CCNT1: variants seen among roughly 807,000 people sequenced by gnomAD.
CCNT1 encodes the protein cyclin-T1.
Under a neutral mutation model 67.3 loss-of-function variants are expected in CCNT1, and 18 were observed. That is an observed-to-expected ratio of 0.27 (90% CI 0.18 to 0.40). CCNT1 has a LOEUF of 0.40. CCNT1 is among the 10% of genes least tolerant of loss of function. CCNT1 has a pLI of 1.00. For synonymous variants in CCNT1, 333 were observed against 310.3 expected, an observed-to-expected ratio of 1.07 and a Z score of -0.77; for missense variants, 744 against 884.9, an observed-to-expected ratio of 0.84 and a Z score of 2.02.
intron 2 of CCNT1, among the ~76,000 whole-genome samples, chr12:48,713,000 G>A (rs1170997474): frequency 4.0e-5 from 6 of 151,720 alleles, no homozygotes; most frequent in African/African-American, 7.3e-5. Flanking sequence ...TTACCTTGGC[G>A]TTTTATTAAG....
At chr12:48,709,962 C>G (rs1434018868) in intron 2 of CCNT1, among the ~76,000 whole-genome samples, 1 of 151,796 alleles carries the variant, frequency 6.6e-6, no homozygotes. Flanking sequence ...ACGATCTCAG[C>G]TCACTGCAAC....
Position 48,705,752 on chromosome 12 carries a change from G to T in CCNT1, c.372+16C>A. ...GAAAAAAATTAAGAAAAACAGATGT[G>T]TAATTAATCTCCTACCTCACTTCTA... On this transcript the variant is annotated intron_variant, in intron 3 of 8. Transcript: ENST00000261900. The T allele has an allele frequency of 6.3e-7, 1 of 1,596,282 alleles. No individual in the cohort carries two copies. The highest frequency in any genetic ancestry group is 8.5e-7 in the Non-Finnish European group (1 of 1,172,316).
chr12:48,702,458 C>T (rs554184950), intron 3 of CCNT1, among the ~76,000 whole-genome samples: 192 of 152,032 alleles, frequency 1.3e-3, no homozygotes, highest in African/African-American at 4.3e-3. Flanking sequence ...GTGCTATAAC[C>T]ATAAAATACA....
chr12:48,708,361 A>G (rs1331209059), intron 2 of CCNT1, among the ~76,000 whole-genome samples: 1 of 152,074 alleles, frequency 6.6e-6, no homozygotes, highest in Non-Finnish European at 1.5e-5. Flanking sequence ...AGCCTGGACA[A>G]CGTGGTAAAA....
intron 2 of CCNT1, among the ~76,000 whole-genome samples, chr12:48,713,886 A>G: frequency 6.6e-6 from 1 of 152,022 alleles, no homozygotes; most frequent in East Asian, 1.9e-4. Context: ...TAGATGTCTG[A>G]TAATCTGTTT....
chr12:48,707,448 A>G (rs1406558369), intron 2 of CCNT1, among the ~76,000 whole-genome samples: 1 of 151,758 alleles, frequency 6.6e-6, no homozygotes, highest in Admixed American at 6.6e-5. Flanking sequence ...ACACCCAGTT[A>G]ATTTATTTTT....
Position 48,692,348 on chromosome 12 carries a change from T to A in CCNT1, c.*685A>T, listed in dbSNP as rs1164348240. 1 of 152,116 alleles carries A rather than the reference T, an allele frequency of 6.6e-6. No individual in the cohort carries two copies. Among genetic ancestry groups the A allele is most frequent in the Non-Finnish European group, 1.5e-5 (1 of 68,030 alleles). The allele number at this position is 152,116 out of a possible 1,614,324, so 9.4% of individuals were successfully genotyped here. Reference sequence around the variant, plus strand: ...AGGAACAGGGAGGGAAGATAAAACATTATTTTTAAACACACACACTTAAAA... The same window carrying A: ...AGGAACAGGGAGGGAAGATAAAACAATATTTTTAAACACACACACTTAAAA... On this transcript the variant is annotated 3_prime_UTR_variant, in exon 9 of 9. Transcript: ENST00000261900.
intron 3 of CCNT1, 69 bp from the exon 4 acceptor site, chr12:48,701,142 A>G (rs1940259222): frequency 4.6e-6 from 4 of 875,600 alleles, no homozygotes. Flanking sequence ...AATTCTAACA[A>G]TCCCTTCCAG....
chr12:48,713,678 G>C (rs994464835), intron 2 of CCNT1, among the ~76,000 whole-genome samples: 2 of 152,082 alleles, frequency 1.3e-5, no homozygotes, highest in African/African-American at 4.8e-5. Flanking sequence ...CAGTTACTTG[G>C]GAGGCTACGG....
intron 1 of CCNT1, among the ~76,000 whole-genome samples, chr12:48,715,547 G>A (rs1592128673): frequency 6.6e-6 from 1 of 151,584 alleles, no homozygotes; most frequent in Non-Finnish European, 1.5e-5. Context: ...TGCAACCTCC[G>A]CCTCCCGGGT....
intron 3 of CCNT1, among the ~76,000 whole-genome samples, chr12:48,703,585 T>TAA (rs1294418266): frequency 1.4e-5 from 2 of 141,788 alleles, no homozygotes; most frequent in African/African-American, 5.2e-5. Flanking sequence ...AAAAAAAAGT[T>TAA]AAAAAAAAAA....
At chr12:48,707,673 A>G (rs1412334925) in intron 2 of CCNT1, among the ~76,000 whole-genome samples, 4 of 152,120 alleles carry the variant, frequency 2.6e-5, no homozygotes, top group Non-Finnish European at 5.9e-5. Context: ...TACCCATGAT[A>G]ATTAATAAAA....
At position 48,701,075 on chromosome 12, in the gene CCNT1, T is replaced by TA. The variant is rs1448738877; in HGVS notation, c.373-3dup. On this transcript the variant is annotated splice_polypyrimidine_tract_variant and splice_region_variant and intron_variant, in intron 3 of 8. Transcript: ENST00000261900. ...ATCTTGAACTTGTTGCAAATAAGCC[T>TA]AAAAGTGAGAAGACAGAAATTATTC... 2 of 1,576,402 alleles carry TA rather than the reference T, an allele frequency of 1.3e-6. No individual in the cohort carries two copies. Among genetic ancestry groups the TA allele is most frequent in the Non-Finnish European group, 1.7e-6 (2 of 1,154,312 alleles).
rs375076635 is a variant in CCNT1, at chr12:48,695,950, G to A, written c.706+49C>T. The A allele has an allele frequency of 5.0e-6, 8 of 1,603,718 alleles. No homozygotes were observed. The African/African-American group carries it at 9.4e-5, about 19-fold the overall frequency. On this transcript the variant is annotated intron_variant, in intron 7 of 8. Coordinates refer to ENST00000261900, the MANE Select transcript of CCNT1 (RefSeq NM_001240.4). ...TCAAGTCACCTTTGGCCAGCTATGT[G>A]ACAGATCAACAGCAAGTGCTTTTCA...
intron 1 of CCNT1, 63 bp downstream of exon 1, chr12:48,716,452 G>C: frequency 1.4e-6 from 2 of 1,477,546 alleles, no homozygotes; most frequent in Non-Finnish European, 1.8e-6. Flanking sequence ...CAGAGCCTGA[G>C]ACCCGGACGC....
In CCNT1 at chr12:48,689,795, G is replaced by C. The variant is rs1048454584; in HGVS notation, c.*3238C>G. On this transcript the variant is annotated 3_prime_UTR_variant, in exon 9 of 9. Coordinates refer to ENST00000261900, the MANE Select transcript of CCNT1 (RefSeq NM_001240.4). The stretch of plus-strand genomic sequence containing the variant: ...GGAAGCCATGTATGTGGAGGAGTAT[G>C]CATTTCAATATGGAGAATTAAGTAG... 1 of 152,202 alleles carries C rather than the reference G, an allele frequency of 6.6e-6. No homozygotes were observed. The allele number at this position is 152,202 out of a possible 1,614,324, so 9.4% of individuals were successfully genotyped here. A position where few individuals can be genotyped will look rare whatever the true frequency, so the allele number is the denominator to read the frequency against.
chr12:48,706,467 T>G (rs551225010), intron 2 of CCNT1, among the ~76,000 whole-genome samples: 2 of 152,202 alleles, frequency 1.3e-5, no homozygotes, highest in South Asian at 2.1e-4. Flanking sequence ...CAATTACTTA[T>G]ACATATCGAA....
At chr12:48,700,207 T>C (rs1940241966) in intron 4 of CCNT1, among the ~76,000 whole-genome samples, 2 of 150,852 alleles carry the variant, frequency 1.3e-5, no homozygotes, top group South Asian at 4.2e-4. Context: ...TAGTCCCAGC[T>C]ACTCTGGAGG....
intron 2 of CCNT1, among the ~76,000 whole-genome samples, chr12:48,708,186 T>C (rs77877469): frequency 0.037 from 5,594 of 152,120 alleles, 162 homozygotes; most frequent in African/African-American, 0.075. Flanking sequence ...TCAGCCTGCG[T>C]AACACAATGA....
Sources: gnomAD v4.1 joint callset for allele counts (sites outside exome capture counted in the v4.1 genomes callset) on GRCh38, gnomAD v4.1.1 for gene constraint, MANE v1.5 for transcripts, NCBI Gene and HGNC (gene_info 2026-07-23, HGNC 2026-07-21) for gene names.